Variants in HEPHL1 observed in about 807,000 individuals in gnomAD.
HEPHL1 encodes the protein hephaestin like 1.
Under a neutral mutation model 122.0 loss-of-function variants are expected in HEPHL1, and 123 were observed. The ratio of observed to expected loss-of-function variants is 1.01; its 90% CI spans 0.87 to 1.17. The LOEUF (loss-of-function observed/expected upper bound fraction) is 1.17. Ranked by LOEUF, HEPHL1 falls within the 50% of genes most tolerant of loss-of-function variation. HEPHL1 has a pLI of 0.00. For synonymous variants in HEPHL1, 527 were observed against 508.9 expected, an observed-to-expected ratio of 1.04 and a Z score of -0.48; for missense variants, 1,452 against 1,430.5, an observed-to-expected ratio of 1.01 and a Z score of -0.24.
chr11:94,046,491 ACG>A (rs1945840424), intron 2 of HEPHL1, among the ~76,000 whole-genome samples: 2 of 148,076 alleles, frequency 1.4e-5, no homozygotes, highest in African/African-American at 5.0e-5. Context: ...CTGCTCCACC[ACG>A]CACCAGGAAC....
chr11:94,028,828 C>A (rs1435068323), intron 1 of HEPHL1, among the ~76,000 whole-genome samples: 2 of 152,198 alleles, frequency 1.3e-5, no homozygotes, highest in Non-Finnish European at 2.9e-5. Context: ...TACTTTGTTT[C>A]TTGGGCAAAT....
intron 1 of HEPHL1, among the ~76,000 whole-genome samples, chr11:94,028,841 G>T (rs1175694398): frequency 6.6e-6 from 1 of 152,144 alleles, no homozygotes; most frequent in African/African-American, 2.4e-5. Context: ...GGGCAAATTT[G>T]CATTTTATAG....
intron 11 of HEPHL1, among the ~76,000 whole-genome samples, chr11:94,088,170 T>G (rs569928423): frequency 2.0e-5 from 3 of 152,368 alleles, no homozygotes; most frequent in South Asian, 4.1e-4. Flanking sequence ...ATTGATTGTT[T>G]TTCTGTTTTC....
Position 94,086,035 on chromosome 11 carries a change from A to C in HEPHL1, c.1926A>C (p.Arg642Ser). 1 of 1,613,950 alleles carries C rather than the reference A, an allele frequency of 6.2e-7. No homozygotes were observed. Among genetic ancestry groups the C allele is most frequent in the Non-Finnish European group, 8.5e-7 (1 of 1,179,874 alleles). Residue 642 changes from arginine (R) to serine (S), a missense_variant, in exon 11 of 20, where the codon AGA (arginine) becomes AGC (serine). By Grantham distance (110) the Arg-to-Ser change is moderately radical. Transcript: ENST00000315765. ...GCTTAAACATGTGTAAAAGGGATAGAGTTTCCTGGCATCTGATTGGATTGG... is the reference window on the plus strand; with the variant it reads ...GCTTAAACATGTGTAAAAGGGATAGCGTTTCCTGGCATCTGATTGGATTGG... ...QPGLNMCKRD[R>S]VSWHLIGLGT...
rs953432038 is a variant in HEPHL1, at chr11:94,049,564, C to T, written c.415+3647C>T. Among the ~76,000 whole-genome samples the T allele has an allele frequency of 2.0e-5, 3 of 148,292 alleles. No homozygotes were observed. In the South Asian group the frequency reaches 6.4e-4, roughly 31 times the overall value. On this transcript the variant is annotated intron_variant, in intron 2 of 19. Transcript: ENST00000315765. ...GTGCCAGACACTGACTCCCAGGTGC[C>T]AGACATTGACTCTGGGTCCTGAGAA... is the stretch of plus-strand genomic sequence containing the variant.
In HEPHL1 at chr11:94,106,299, T is replaced by C. The variant is rs1047023357; in HGVS notation, c.3045+169T>C. On this transcript the variant is annotated intron_variant, in intron 17 of 19. Coordinates refer to ENST00000315765, the MANE Select transcript of HEPHL1 (RefSeq NM_001098672.2). ...CCTGGTGGATATTTCTTTTCTTTTT[T>C]TTTTTTTTTTTGAGACGGAGTCTTG... Among the ~76,000 whole-genome samples the C allele has an allele frequency of 8.0e-5, 12 of 150,600 alleles. No individual in the cohort carries two copies. The East Asian group carries it at 1.2e-3, about 15-fold the overall frequency.
At chr11:94,024,679 C>T (rs1041119973) in intron 1 of HEPHL1, among the ~76,000 whole-genome samples, 1 of 152,256 alleles carries the variant, frequency 6.6e-6, no homozygotes, top group Admixed American at 6.5e-5. Context: ...TCCTTCCTAA[C>T]CACTCATGGA....
At chr11:94,098,046 G>A (rs945027047) in intron 13 of HEPHL1, among the ~76,000 whole-genome samples, 9 of 152,162 alleles carry the variant, frequency 5.9e-5, no homozygotes, top group Admixed American at 3.3e-4. Context: ...GTGTGAATTT[G>A]ATCCTGTCAT....
At chr11:94,069,712 TTA>T (rs1406291688) in intron 5 of HEPHL1, among the ~76,000 whole-genome samples, 2 of 152,152 alleles carry the variant, frequency 1.3e-5, no homozygotes, top group African/African-American at 4.8e-5. Context: ...TGCTTAATGC[TTA>T]TGTTTCCCAC....
rs145133562 is a variant in HEPHL1 at position 94,043,060 on chromosome 11, C to T, written c.171-2613C>T. On this transcript the variant is annotated intron_variant, in intron 1 of 19. Transcript: ENST00000315765. ...CAGAAAAGTAGAACAGAGAAGTGCT[C>T]CATGATACCTGACACGTGCTTAACA... is the stretch of plus-strand genomic sequence containing the variant. Among the ~76,000 whole-genome samples, 405 of 151,622 alleles carry T rather than the reference C, an allele frequency of 2.7e-3. 3 individuals carry two copies. The highest frequency in any genetic ancestry group is 6.8e-3 in the Middle Eastern group (2 of 294).
At chr11:94,082,122 G>T (rs1403494526) in intron 9 of HEPHL1, among the ~76,000 whole-genome samples, 1 of 152,190 alleles carries the variant, frequency 6.6e-6, no homozygotes, top group African/African-American at 2.4e-5. Flanking sequence ...TCAGGGTAAG[G>T]AGAAAAAGTC....
chr11:94,055,881 T>A, intron 2 of HEPHL1: 2 of 681,184 alleles, frequency 2.9e-6, no homozygotes, highest in Non-Finnish European at 5.0e-6. Context: ...GTGCTCAGCA[T>A]CCACATAATA....
rs931339672 is a variant in HEPHL1, at chr11:94,088,961, G to A, written c.2287G>A (p.Gly763Arg). ...CGAAAAGCAGCACGTGGACGCAAGA[G>A]GGGAAAGGTACCACAGGCGCCGCCG... ...EFEKQHVDAR[G>R]ERHGDIFMNR... is the part of the protein sequence containing the mutation. The change falls in exon 12 of 20, where the codon GGG becomes AGG. Residue 763 changes from glycine to arginine, a missense_variant. Transcript: ENST00000315765. 2 of 1,613,958 alleles carry A rather than the reference G, an allele frequency of 1.2e-6. No individual in the cohort carries two copies. The highest frequency in any genetic ancestry group is 1.7e-6 in the Non-Finnish European group (2 of 1,179,848).
chr11:94,063,448 C>A, intron 2 of HEPHL1, 60 bp from the exon 3 acceptor site: 1 of 1,305,662 alleles, frequency 7.7e-7, no homozygotes, highest in Non-Finnish European at 1.1e-6. Flanking sequence ...TCTACTATAG[C>A]ATGTGATCTC....
chr11:94,079,024 C>T (rs1946148463), intron 9 of HEPHL1, among the ~76,000 whole-genome samples: 1 of 152,178 alleles, frequency 6.6e-6, no homozygotes. Flanking sequence ...CCTCCAAATA[C>T]CTGTCAAGCA....
chr11:94,024,470 A>G (rs1945607125), intron 1 of HEPHL1, among the ~76,000 whole-genome samples: 1 of 152,166 alleles, frequency 6.6e-6, no homozygotes, highest in African/African-American at 2.4e-5. Flanking sequence ...AAGAAAGGAG[A>G]GAGATGATTT....
At chr11:94,043,120 C>T (rs891032707) in intron 1 of HEPHL1, among the ~76,000 whole-genome samples, 1 of 151,780 alleles carries the variant, frequency 6.6e-6, no homozygotes, top group Admixed American at 6.6e-5. Flanking sequence ...TGATTGAATT[C>T]TTGGAACTGA....
At chr11:94,088,734 G>A in intron 11 of HEPHL1, 21 bp from the exon 12 acceptor site, 2 of 1,593,890 alleles carry the variant, frequency 1.3e-6, no homozygotes, top group Non-Finnish European at 1.7e-6. Flanking sequence ...CACACTCAAT[G>A]CCGAGCCATT....
At chr11:94,105,427 C>T (rs1469267982) in intron 16 of HEPHL1, among the ~76,000 whole-genome samples, 1 of 152,160 alleles carries the variant, frequency 6.6e-6, no homozygotes, top group Non-Finnish European at 1.5e-5. Flanking sequence ...TTTGGTTGCA[C>T]CACAATGCAC....
Sources: gnomAD v4.1 joint callset for allele counts (sites outside exome capture counted in the v4.1 genomes callset) on GRCh38, gnomAD v4.1.1 for gene constraint, MANE v1.5 for transcripts, NCBI Gene and HGNC (gene_info 2026-07-23, HGNC 2026-07-21) for gene names.